Variants in ITGAV observed in about 807,000 individuals in gnomAD.
The protein encoded by ITGAV is integrin alpha-V.
ITGAV carries 76 observed loss-of-function variants against 143.8 expected under a neutral mutation model. The observed-to-expected ratio is 0.53, with a 90% CI of 0.44 to 0.64. The LOEUF (loss-of-function observed/expected upper bound fraction) is 0.64. ITGAV is among the 30% of genes least tolerant of loss of function. ITGAV has a pLI of 0.00. For synonymous variants in ITGAV, 453 were observed against 446.7 expected (o/e 1.01, Z -0.18); for missense variants, 1,193 against 1,274.7 (o/e 0.94, Z 0.98).
rs542270148 is a variant in ITGAV, at chr2:186,622,444, A to G, written c.408+14A>G. On this transcript the variant is annotated intron_variant, in intron 3 of 29. Transcript: ENST00000261023. ...GATAAAATTTTGGTGAGTCTTCTGG[A>G]TATTTACTTACAGGTGATTTTAGTC... 7 of 1,506,662 alleles carry G rather than the reference A, an allele frequency of 4.6e-6. No individual in the cohort carries two copies. In the African/African-American group the frequency reaches 5.5e-5, roughly 12 times the overall value. The allele number at this position is 1,506,662 out of a possible 1,614,324, so 93.3% of individuals were successfully genotyped here.
intron 3 of ITGAV, among the ~76,000 whole-genome samples, chr2:186,624,484 C>A (rs1442063226): frequency 6.6e-6 from 1 of 152,076 alleles, no homozygotes; most frequent in Non-Finnish European, 1.5e-5. Flanking sequence ...GAGCAAGCCA[C>A]CCACTCTGGA....
At position 186,663,764 on chromosome 2, in the gene ITGAV, C is replaced by T; in HGVS notation, c.1858-4C>T. 6.2e-7 allele frequency: 1 copy of T among 1,608,454 alleles called. No individual in the cohort carries two copies. The highest frequency in any genetic ancestry group is 8.5e-7 in the Non-Finnish European group (1 of 1,175,992). ...ATGTAGAAAAATAAAATGTTTTTTT[C>T]TAGGCTCACATTCTACTTGACTGTG... On this transcript the variant is annotated splice_region_variant and splice_polypyrimidine_tract_variant and intron_variant, in intron 18 of 29. Transcript: ENST00000261023.
Position 186,678,936 on chromosome 2 carries a change from T to C in ITGAV, c.*1644T>C. ...TAATCTTGAGAATATATTCGTAAAA[T>C]AGGAGCACATTTAGTTGAGGTATAC... On this transcript the variant is annotated 3_prime_UTR_variant, in exon 30 of 30. Transcript: ENST00000261023. The C allele has an allele frequency of 2.8e-6, 1 of 356,542 alleles. No individual in the cohort carries two copies. Among genetic ancestry groups the C allele is most frequent in the East Asian group, 7.4e-5 (1 of 13,474 alleles). 22.1% of individuals were successfully genotyped at this position (356,542 alleles called of 1,614,324 possible).
chr2:186,635,515 T>C (rs61765167), intron 6 of ITGAV, among the ~76,000 whole-genome samples: 1,962 of 152,314 alleles, frequency 0.013, 46 homozygotes, highest in African/African-American at 0.043. Flanking sequence ...GATAAGAGAT[T>C]ACTGTGTCCA....
rs1373335522 is a variant in ITGAV, at chr2:186,677,485, A to G, written c.*193A>G. 5 of 512,952 alleles carry G rather than the reference A, an allele frequency of 9.7e-6. No homozygotes were observed. Among genetic ancestry groups the G allele is most frequent in the African/African-American group, 1.9e-5 (1 of 52,152 alleles). 31.8% of individuals were successfully genotyped at this position (512,952 alleles called of 1,614,324 possible). On this transcript the variant is annotated 3_prime_UTR_variant, in exon 30 of 30. Transcript: ENST00000261023. ...TAAGTTCAGACATACATTTAATAAC[A>G]TAGGGTGACTTGTGTTTTTAGGTAT...
At chr2:186,595,597 C>T (rs748767472) in intron 1 of ITGAV, among the ~76,000 whole-genome samples, 5 of 151,940 alleles carry the variant, frequency 3.3e-5, no homozygotes, top group Non-Finnish European at 7.4e-5. Context: ...CTCCCAAACT[C>T]AATCCTTTAT....
chr2:186,675,594 GT>G lies in ITGAV; in HGVS notation c.2707-6del. On this transcript the variant is annotated splice_polypyrimidine_tract_variant and intron_variant, in intron 26 of 29. Transcript: ENST00000261023. Reference sequence around the variant, plus strand: ...ACCTTTTCTTATAAGTAAAGGATTTGTTTTGGCAGGGTTGTGGAGTTGCTCA... The same window carrying G: ...ACCTTTTCTTATAAGTAAAGGATTTGTTTGGCAGGGTTGTGGAGTTGCTCA... The G allele has an allele frequency of 6.2e-7, 1 of 1,603,558 alleles. No homozygotes were observed. Among genetic ancestry groups the G allele is most frequent in the Non-Finnish European group, 8.5e-7 (1 of 1,170,722 alleles).
chr2:186,618,948 T>G (rs1227126006), intron 2 of ITGAV, among the ~76,000 whole-genome samples: 5 of 152,178 alleles, frequency 3.3e-5, no homozygotes, highest in African/African-American at 4.8e-5. Flanking sequence ...GAGACATCTG[T>G]GTCCCCATAT....
At chr2:186,662,053 C>T (rs1559065216) in intron 18 of ITGAV, among the ~76,000 whole-genome samples, 1 of 152,046 alleles carries the variant, frequency 6.6e-6, no homozygotes, top group East Asian at 1.9e-4. Context: ...CAGCTAAGTC[C>T]TTTTTTTCCC....
intron 2 of ITGAV, among the ~76,000 whole-genome samples, chr2:186,618,222 T>C (rs1443120950): frequency 6.6e-6 from 1 of 152,230 alleles, no homozygotes; most frequent in East Asian, 1.9e-4. Context: ...ACAAACTTCC[T>C]AATGAGCAAA....
rs536291879 is a variant in ITGAV at position 186,647,070 on chromosome 2, G to T, written c.1351+193G>T. Among the ~76,000 whole-genome samples the T allele has an allele frequency of 2.8e-4, 42 of 152,230 alleles. No homozygotes were observed. In the East Asian group the frequency reaches 7.7e-3, roughly 28 times the overall value. ...GAAGAAAAGTCAGCTCTCTTTCCTG[G>T]GAGTGTACAGTGTACTCTGAGTTTC... On this transcript the variant is annotated intron_variant, in intron 13 of 29. Coordinates refer to ENST00000261023, the MANE Select transcript of ITGAV (RefSeq NM_002210.5).
intron 17 of ITGAV, among the ~76,000 whole-genome samples, chr2:186,657,337 A>G (rs1460251195): frequency 1.3e-5 from 2 of 152,234 alleles, no homozygotes; most frequent in African/African-American, 2.4e-5. Context: ...ACTAAAGAAT[A>G]TGAAAACTGA....
chr2:186,665,267 C>A, intron 21 of ITGAV, 49 bp downstream of exon 21: 1 of 1,179,088 alleles, frequency 8.5e-7, no homozygotes, highest in Non-Finnish European at 1.3e-6. Context: ...AATAGAAAAG[C>A]ATATTGTTGT....
chr2:186,645,611 G>A (rs958813828), intron 12 of ITGAV, among the ~76,000 whole-genome samples: 2 of 152,148 alleles, frequency 1.3e-5, no homozygotes, highest in African/African-American at 4.8e-5. Context: ...GACATGATAT[G>A]GTGAATGTTT....
At chr2:186,673,422 A>T (rs1304877378) in intron 26 of ITGAV, among the ~76,000 whole-genome samples, 4 of 152,124 alleles carry the variant, frequency 2.6e-5, no homozygotes, top group Non-Finnish European at 5.9e-5. Flanking sequence ...GGATTTTAGG[A>T]TCAGCTTGTC....
At chr2:186,612,992 T>C (rs1452503347) in intron 2 of ITGAV, among the ~76,000 whole-genome samples, 1 of 152,176 alleles carries the variant, frequency 6.6e-6, no homozygotes, top group African/African-American at 2.4e-5. Context: ...CTAATTCCTT[T>C]ACTACTAACT....
At chr2:186,627,824 A>T (rs1559048969) in intron 4 of ITGAV, among the ~76,000 whole-genome samples, 1 of 152,202 alleles carries the variant, frequency 6.6e-6, no homozygotes, top group Non-Finnish European at 1.5e-5. Context: ...CTCAAATCTT[A>T]GGAAAAGCTT....
rs761500456 is a variant in ITGAV, at chr2:186,675,854, C to T, written c.2855C>T (p.Ser952Leu). The change falls in exon 28 of 30, where the codon TCG becomes TTG. Residue 952 changes from serine (S) to leucine (L), a missense_variant. By Grantham distance (145) the Ser-to-Leu change is moderately radical. Coordinates refer to ENST00000261023, the MANE Select transcript of ITGAV (RefSeq NM_002210.5). ...ENQNHSYSLK[S>L]SASFNVIEFP... ...CAGAATCATTCCTATTCTCTGAAGT[C>T]GTCTGCTTCATTTAATGTCATAGAG... is the stretch of plus-strand genomic sequence containing the variant. The T allele has an allele frequency of 5.0e-6, 8 of 1,607,720 alleles. No individual in the cohort carries two copies. Among genetic ancestry groups the T allele is most frequent in the Middle Eastern group, 1.7e-4 (1 of 6,046 alleles).
intron 3 of ITGAV, among the ~76,000 whole-genome samples, chr2:186,623,632 T>C (rs1396406391): frequency 1.3e-5 from 2 of 152,176 alleles, no homozygotes; most frequent in Non-Finnish European, 2.9e-5. Context: ...TAAAGGCATA[T>C]TTCCAGGCTA....
Sources: allele counts gnomAD v4.1 joint callset (sites outside exome capture counted in the v4.1 genomes callset), GRCh38; gene constraint gnomAD v4.1.1; transcripts MANE v1.5; gene names NCBI Gene and HGNC (gene_info 2026-07-23, HGNC 2026-07-21).